The following ADAMTS7 variants were observed in gnomAD, a reference collection of about 807,000 sequenced individuals.
The protein encoded by ADAMTS7 is A disintegrin and metalloproteinase with thrombospondin motifs 7.
In ADAMTS7, 89 loss-of-function variants were observed where a neutral mutation model predicts 172.6. The ratio of observed to expected loss-of-function variants is 0.52; its 90% CI spans 0.43 to 0.61. ADAMTS7 has a LOEUF of 0.61. Ranked by LOEUF, ADAMTS7 falls within the 20% of genes least tolerant of loss-of-function variation. ADAMTS7 has a pLI of 0.00. For synonymous variants in ADAMTS7, 885 were observed against 978.4 expected, an observed-to-expected ratio of 0.90 and a Z score of 1.78; for missense variants, 1,973 against 2,355.6, an observed-to-expected ratio of 0.84 and a Z score of 3.36.
chr15:78,764,749 C>G lies in ADAMTS7; in HGVS notation c.4267-42G>C, dbSNP rs745882146. 14 of 1,447,492 alleles carry G rather than the reference C, an allele frequency of 9.7e-6. No homozygotes were observed. The East Asian group carries it at 2.6e-4, about 27-fold the overall frequency. 89.7% of individuals were successfully genotyped at this position (1,447,492 alleles called of 1,614,324 possible). On this transcript the variant is annotated intron_variant, in intron 19 of 23. Coordinates refer to ENST00000388820, the MANE Select transcript of ADAMTS7 (RefSeq NM_014272.5). ...CGTGAAAGCCAGGCAGATCCCATCC[C>G]CGCCAGGCCTCCACAGCCAGGAAAC...
At chr15:78,806,121 CACACACAAAAAAAA>C (rs2055789030) in intron 1 of ADAMTS7, among the ~76,000 whole-genome samples, 1 of 22,616 alleles carries the variant, frequency 4.4e-5, no homozygotes, top group African/African-American at 1.5e-4. Flanking sequence ...CACACACACA[CACACACAAAAAAAA>C]AAAAAAAAAA....
At position 78,771,032 on chromosome 15, in the gene ADAMTS7, G is replaced by A. The variant is rs921188978; in HGVS notation, c.2518+130C>T. On this transcript the variant is annotated intron_variant, in intron 16 of 23. Transcript: ENST00000388820. The surrounding 1 kb of genome is among the most constrained non-coding windows in gnomAD (Gnocchi z 4.9). ...AATCGCTAGCCTCATCTCACAGATGGAGAACTGAGGCTCAGAGAAGCAAAC... is the reference window on the plus strand; with the variant it reads ...AATCGCTAGCCTCATCTCACAGATGAAGAACTGAGGCTCAGAGAAGCAAAC... 8.8e-5 allele frequency: 112 copies of A among 1,274,462 alleles called. No individual in the cohort carries two copies. In the African/African-American group the frequency reaches 1.6e-3, roughly 18 times the overall value. The allele number at this position is 1,274,462 out of a possible 1,614,324, so 78.9% of individuals were successfully genotyped here.
At position 78,800,268 on chromosome 15, in the gene ADAMTS7, G is replaced by T; in HGVS notation, c.380C>A (p.Ala127Asp). 2.5e-6 allele frequency: 4 copies of T among 1,594,876 alleles called. No individual in the cohort carries two copies. Among genetic ancestry groups the T allele is most frequent in the Non-Finnish European group, 3.4e-6 (4 of 1,177,664 alleles). Reference protein sequence around the residue: ...GRAHIRAHTPACHLLGEVQDP... With the variant: ...GRAHIRAHTPDCHLLGEVQDP... ...CTGCACCTCGCCAAGCAGGTGGCAG[G>T]CCGGGGTGTGGGCCCGGATGTGCGC... The change falls in exon 2 of 24, where the codon GCC (alanine) becomes GAC (aspartate). Residue 127 changes from alanine to aspartate, a missense_variant. Ala to Asp is a moderately radical substitution (Grantham distance 126). This residue lies in a region of ADAMTS7 where 306 missense variants were observed against 288.0 expected (regional missense o/e 1.06). Transcript: ENST00000388820.
chr15:78,798,092 T>C lies in ADAMTS7; in HGVS notation c.478A>G (p.Asn160Asp), dbSNP rs372807269. ...AGGGGCTCAATGAAGTAGTCCTCGT[T>C]GGAGAGCTGGAACACACCTTTCTGG... ...DGLKGVFQLSNEDYFIEPLDS... is the reference protein window; with the variant it reads ...DGLKGVFQLSDEDYFIEPLDS... Residue 160 changes from asparagine (N) to aspartate (D), a missense_variant, in exon 3 of 24, where the codon AAC becomes GAC. By Grantham distance (23) the Asn-to-Asp change is conservative. Transcript: ENST00000388820. 6 of 1,559,676 alleles carry C rather than the reference T, an allele frequency of 3.8e-6. No individual in the cohort carries two copies. The African/African-American group carries it at 8.5e-5, about 22-fold the overall frequency.
chr15:78,799,095 G>A (rs529881979), intron 2 of ADAMTS7, among the ~76,000 whole-genome samples: 2 of 150,898 alleles, frequency 1.3e-5, no homozygotes, highest in Non-Finnish European at 3.0e-5. Flanking sequence ...TTAAGGGACA[G>A]GCACAGGCTC....
Position 78,788,225 on chromosome 15 carries a change from A to G in ADAMTS7, c.1322+6T>C, listed in dbSNP as rs1164106823. On this transcript the variant is annotated splice_donor_region_variant and intron_variant, in intron 8 of 23. Coordinates refer to ENST00000388820, the MANE Select transcript of ADAMTS7 (RefSeq NM_014272.5). The stretch of plus-strand genomic sequence containing the variant: ...AGGTATAGGGGCCCAGGGCTGGGGG[A>G]CTTACTCAAGGAACCTGGTGATATA... 6.2e-7 allele frequency: 1 copy of G among 1,612,888 alleles called. No individual in the cohort carries two copies. Among genetic ancestry groups the G allele is most frequent in the South Asian group, 1.1e-5 (1 of 90,996 alleles).
At chr15:78,789,947 T>A in intron 6 of ADAMTS7, 109 bp from the exon 7 acceptor site, 3 of 1,427,352 alleles carry the variant, frequency 2.1e-6, no homozygotes, top group Non-Finnish European at 2.8e-6. Flanking sequence ...GAAAAGGATG[T>A]CTCTCCCACC....
rs1481137904 is a variant in ADAMTS7 at position 78,777,569 on chromosome 15, G to A, written c.1342C>T (p.Leu448=). 1.2e-6 allele frequency: 2 copies of A among 1,606,604 alleles called. No individual in the cohort carries two copies. The highest frequency in any genetic ancestry group is 1.3e-5 in the African/African-American group (1 of 74,838). The change falls in exon 9 of 24, where the codon CTG becomes TTG. Residue 448 remains leucine, a synonymous_variant. Coordinates refer to ENST00000388820, the MANE Select transcript of ADAMTS7 (RefSeq NM_014272.5). The stretch of plus-strand genomic sequence containing the variant: ...ATGTCCTTGGCAGGAGGGTCGTCCA[G>A]GCACAGGCCCCACCCACGGCTAAAG... The part of the protein sequence containing the change: ...RFLDRGWGLC[L]DDPPAKDIID...
chr15:78,774,580 C>G (rs1201907349), intron 12 of ADAMTS7, 44 bp downstream of exon 12: 1 of 1,610,650 alleles, frequency 6.2e-7, no homozygotes, highest in Non-Finnish European at 8.5e-7. Context: ...CCACACACCC[C>G]CAGCCCTCTA....
chr15:78,792,446 C>T (rs750599343), intron 4 of ADAMTS7, among the ~76,000 whole-genome samples: 2 of 152,224 alleles, frequency 1.3e-5, no homozygotes, highest in Admixed American at 6.5e-5. Context: ...GCTCCACCAT[C>T]GATCTTTGAA....
intron 8 of ADAMTS7, among the ~76,000 whole-genome samples, chr15:78,780,820 G>A (rs901007492): frequency 3.9e-5 from 6 of 152,284 alleles, no homozygotes; most frequent in East Asian, 1.9e-4. Context: ...CTCCTTCTCC[G>A]AGTCACTGTT....
intron 2 of ADAMTS7, among the ~76,000 whole-genome samples, chr15:78,799,976 C>T (rs1177794872): frequency 6.6e-6 from 1 of 151,928 alleles, no homozygotes; most frequent in African/African-American, 2.4e-5. Flanking sequence ...ACAGGTGCAC[C>T]ACCACCCGGC....
rs2055149155 is a variant in ADAMTS7, at chr15:78,766,399, A to G, written c.3512T>C (p.Leu1171Pro). The change falls in exon 19 of 24, where the codon CTC becomes CCC. Residue 1171 changes from leucine to proline, a missense_variant. Physicochemically the swap from Leu to Pro is moderately conservative, Grantham distance 98. This residue lies in a region of ADAMTS7 where 771 missense variants were observed against 952.6 expected (regional missense o/e 0.81). Coordinates refer to ENST00000388820, the MANE Select transcript of ADAMTS7 (RefSeq NM_014272.5). ...DTPIGAPDLG[L>P]PSLSWPRVST... ...AACCCTGGGCCAGGACAGGCTGGGG[A>G]GCCCAAGATCTGGGGCCCCTATGGG... 1 of 1,605,088 alleles carries G rather than the reference A, an allele frequency of 6.2e-7. No homozygotes were observed. Among genetic ancestry groups the G allele is most frequent in the Non-Finnish European group, 8.5e-7 (1 of 1,177,512 alleles).
intron 10 of ADAMTS7, 90 bp from the exon 11 acceptor site, chr15:78,776,423 C>A: frequency 6.6e-7 from 1 of 1,509,466 alleles, no homozygotes; most frequent in Non-Finnish European, 8.9e-7. Context: ...GGGAAGGCTG[C>A]GAAAGGCACA....
At chr15:78,810,972 C>A in intron 1 of ADAMTS7, 149 bp downstream of exon 1, 1 of 877,256 alleles carries the variant, frequency 1.1e-6, no homozygotes, top group Non-Finnish European at 1.5e-6. Flanking sequence ...GACTACTGTC[C>A]CCTAATACCC....
At chr15:78,793,726 A>G (rs1014912029) in intron 4 of ADAMTS7, among the ~76,000 whole-genome samples, 1 of 152,188 alleles carries the variant, frequency 6.6e-6, no homozygotes, top group Non-Finnish European at 1.5e-5. Flanking sequence ...ATGGCTCTCA[A>G]CAAGTCAGTC....
chr15:78,765,360 C>G (rs1373992096), intron 19 of ADAMTS7, among the ~76,000 whole-genome samples: 1 of 152,264 alleles, frequency 6.6e-6, no homozygotes, highest in Admixed American at 6.5e-5. Flanking sequence ...GAGGACTGGG[C>G]CTGGCGGCCA....
rs532784498 is a variant in ADAMTS7 at position 78,794,155 on chromosome 15, C to T, written c.819+2435G>A. Among the ~76,000 whole-genome samples, 156 of 152,314 alleles carry T rather than the reference C, an allele frequency of 1.0e-3. 1 individual carries two copies. The highest frequency in any genetic ancestry group is 8.3e-4 in the South Asian group (4 of 4,822). On this transcript the variant is annotated intron_variant, in intron 4 of 23. Coordinates refer to ENST00000388820, the MANE Select transcript of ADAMTS7 (RefSeq NM_014272.5). ...TCAGGAGACTGAGGCAGGAGAATCA[C>T]TTGAACCCAGGAAGCGGAGGTTGCA... is the stretch of plus-strand genomic sequence containing the variant.
intron 17 of ADAMTS7, 69 bp from the exon 18 acceptor site, chr15:78,767,661 G>A (rs2055179365): frequency 2.9e-6 from 4 of 1,399,822 alleles, no homozygotes; most frequent in Non-Finnish European, 3.8e-6. Flanking sequence ...CCAGCAGGGG[G>A]GGCCAGGCTG....
Sources: allele counts gnomAD v4.1 joint callset (sites outside exome capture counted in the v4.1 genomes callset), GRCh38; gene constraint gnomAD v4.1.1; regional missense constraint gnomAD v4.1.1; non-coding constraint Gnocchi (gnomAD v3.1); transcripts MANE v1.5; gene names NCBI Gene and HGNC (gene_info 2026-07-23, HGNC 2026-07-21).